The following TCF7L2 variants were observed in gnomAD, a reference collection of about 807,000 sequenced individuals.
TCF7L2 encodes transcription factor 7 like 2.
TCF7L2 carries 23 observed loss-of-function variants against 77.9 expected under a neutral mutation model. The observed-to-expected ratio is 0.30, with a 90% CI of 0.21 to 0.42. TCF7L2 has a LOEUF of 0.42. Among genes scored for constraint, TCF7L2 ranks in the 10% least tolerant of loss-of-function variants. The probability of loss-of-function intolerance (pLI) is 1.00; values close to 1 mark genes in which losing one functional copy is unlikely to be tolerated. For missense variants in TCF7L2, 654 were observed against 793.1 expected, an observed-to-expected ratio of 0.82 and a Z score of 2.11; for synonymous variants, 413 against 340.2, an observed-to-expected ratio of 1.21 and a Z score of -2.36.
chr10:113,049,741 G>A (rs148530601), intron 5 of TCF7L2, among the ~76,000 whole-genome samples: 7 of 152,250 alleles, frequency 4.6e-5, no homozygotes, highest in Non-Finnish European at 1.0e-4. Flanking sequence ...CCAAAGCAGC[G>A]ATGAACAGAT....
At chr10:113,135,019 T>C (rs1381060389) in intron 5 of TCF7L2, among the ~76,000 whole-genome samples, 2 of 152,220 alleles carry the variant, frequency 1.3e-5, no homozygotes, top group African/African-American at 4.8e-5. Context: ...CAGTGTCTGT[T>C]GATTAATAGG....
intron 4 of TCF7L2, among the ~76,000 whole-genome samples, chr10:113,021,160 C>T (rs1590579446): frequency 1.3e-5 from 2 of 152,176 alleles, no homozygotes; most frequent in Admixed American, 6.5e-5. Flanking sequence ...TTCCTGCCCT[C>T]GTAACCTTCG....
At chr10:112,967,545 T>C (rs543177393) in intron 4 of TCF7L2, among the ~76,000 whole-genome samples, 72 of 152,078 alleles carry the variant, frequency 4.7e-4, no homozygotes, top group African/African-American at 1.7e-3. Flanking sequence ...GCCTCCTAGC[T>C]CCCCTTGGTT....
intron 4 of TCF7L2, among the ~76,000 whole-genome samples, chr10:113,030,328 G>A (rs1179472343): frequency 2.0e-5 from 3 of 152,180 alleles, no homozygotes; most frequent in African/African-American, 7.2e-5. Context: ...GAGACTTGGT[G>A]CATTCTTATC....
At chr10:113,145,636 T>A (rs1299213394) in intron 7 of TCF7L2, among the ~76,000 whole-genome samples, 1 of 152,192 alleles carries the variant, frequency 6.6e-6, no homozygotes, top group Non-Finnish European at 1.5e-5. Flanking sequence ...GTACTTTATT[T>A]TGGTATAAAT....
In TCF7L2 at chr10:112,962,747, C is replaced by T. The variant is rs551925079; in HGVS notation, c.382-1809C>T. On this transcript the variant is annotated intron_variant, in intron 3 of 13. Coordinates refer to ENST00000627217, the MANE Select transcript of TCF7L2 (RefSeq NM_001146274.2). ...CTGAGTAGCTGGGACTATAGGCGCCCGCCACCACGCCTGGCTAATTTTTGT... is the reference window on the plus strand; with the variant it reads ...CTGAGTAGCTGGGACTATAGGCGCCTGCCACCACGCCTGGCTAATTTTTGT... Among the ~76,000 whole-genome samples, 20 of 152,186 alleles carry T rather than the reference C, an allele frequency of 1.3e-4. No homozygotes were observed. In the South Asian group the frequency reaches 3.3e-3, roughly 25 times the overall value.
chr10:112,950,678 C>A lies in TCF7L2; in HGVS notation c.-79C>A, dbSNP rs767413089. The A allele has an allele frequency of 2.5e-5, 36 of 1,449,356 alleles. No individual in the cohort carries two copies. Among genetic ancestry groups the A allele is most frequent in the Admixed American group, 1.0e-4 (4 of 38,338 alleles). 89.8% of individuals were successfully genotyped at this position (1,449,356 alleles called of 1,614,324 possible). A position where few individuals can be genotyped will look rare whatever the true frequency, so the allele number is the denominator to read the frequency against. ...TGCAATATTTTTTGGGGGGGCAAAACTTTTTGGGGGTGATTTTTTTTGGCT... is the reference window on the plus strand; with the variant it reads ...TGCAATATTTTTTGGGGGGGCAAAAATTTTTGGGGGTGATTTTTTTTGGCT... On this transcript the variant is annotated 5_prime_UTR_variant, in exon 1 of 14. Transcript: ENST00000627217.
At chr10:112,956,432 G>A (rs1260572100) in intron 3 of TCF7L2, among the ~76,000 whole-genome samples, 1 of 147,918 alleles carries the variant, frequency 6.8e-6, no homozygotes, top group Admixed American at 6.8e-5. Context: ...TTTTAGTCTT[G>A]GTGAGTGGCA....
chr10:113,060,657 C>T (rs115638324), intron 5 of TCF7L2, among the ~76,000 whole-genome samples: 2,065 of 152,130 alleles, frequency 0.014, 52 homozygotes, highest in African/African-American at 0.047. Context: ...TAGAGCACAA[C>T]TCCCCAGCCA....
intron 5 of TCF7L2, among the ~76,000 whole-genome samples, chr10:113,127,961 TA>T (rs2136441457): frequency 6.6e-6 from 1 of 151,766 alleles, no homozygotes; most frequent in South Asian, 2.1e-4. Context: ...TGCCGCACTT[TA>T]TAAGTTATTG....
chr10:113,000,951 T>C (rs1452294547), intron 4 of TCF7L2, among the ~76,000 whole-genome samples: 1 of 152,236 alleles, frequency 6.6e-6, no homozygotes, highest in Non-Finnish European at 1.5e-5. Context: ...TCTCTAAGGA[T>C]TCTGCTTCAT....
chr10:113,072,684 A>G (rs770773354), intron 5 of TCF7L2, among the ~76,000 whole-genome samples: 6 of 152,202 alleles, frequency 3.9e-5, no homozygotes, highest in Non-Finnish European at 7.4e-5. Flanking sequence ...ACTTAAATAA[A>G]AAGAGCCAAC....
At chr10:113,139,704 C>T (rs2067994146) in intron 5 of TCF7L2, among the ~76,000 whole-genome samples, 1 of 151,438 alleles carries the variant, frequency 6.6e-6, no homozygotes, top group South Asian at 2.1e-4. Context: ...TTTTTCTTTC[C>T]ACACATAACC....
At chr10:113,015,085 C>G (rs1280881776) in intron 4 of TCF7L2, among the ~76,000 whole-genome samples, 1 of 152,048 alleles carries the variant, frequency 6.6e-6, no homozygotes, top group Non-Finnish European at 1.5e-5. Context: ...ACTTGGGAGG[C>G]TGAGGCAGGA....
chr10:113,010,009 A>G (rs2046198492), intron 4 of TCF7L2, among the ~76,000 whole-genome samples: 3 of 151,552 alleles, frequency 2.0e-5, no homozygotes, highest in African/African-American at 4.9e-5. Flanking sequence ...ACGGGCTCCT[A>G]TGGGTGCTGT....
At chr10:113,132,643 C>T (rs935801671) in intron 5 of TCF7L2, among the ~76,000 whole-genome samples, 14 of 152,256 alleles carry the variant, frequency 9.2e-5, no homozygotes, top group Admixed American at 4.6e-4. Context: ...ATTTCTGGCT[C>T]GATTTTGAAG....
chr10:113,041,642 T>A (rs1158315870), intron 5 of TCF7L2, among the ~76,000 whole-genome samples: 1 of 152,202 alleles, frequency 6.6e-6, no homozygotes, highest in African/African-American at 2.4e-5. Flanking sequence ...AAGAAGTTGC[T>A]GGTTGGGGGT....
chr10:113,074,733 T>C lies in TCF7L2; in HGVS notation c.552+34607T>C, dbSNP rs11815689. On this transcript the variant is annotated intron_variant, in intron 5 of 13. Transcript: ENST00000627217. Reference sequence around the variant, plus strand: ...CTTTAAAGCTGGGGCCTCCACGCCATAGGCAGATTTTCATACCAGTTGCCT... The same window carrying C: ...CTTTAAAGCTGGGGCCTCCACGCCACAGGCAGATTTTCATACCAGTTGCCT... Among the ~76,000 whole-genome samples the C allele has an allele frequency of 4.2e-3, 645 of 152,330 alleles. 6 individuals carry two copies. Among genetic ancestry groups the C allele is most frequent in the African/African-American group, 0.015 (631 of 41,586 alleles).
intron 5 of TCF7L2, among the ~76,000 whole-genome samples, chr10:113,097,144 C>G (rs1425924744): frequency 6.6e-6 from 1 of 152,192 alleles, no homozygotes; most frequent in Non-Finnish European, 1.5e-5. Flanking sequence ...TAGTGCTCAT[C>G]CCAGCTCCTG....
Sources: allele counts gnomAD v4.1 joint callset (sites outside exome capture counted in the v4.1 genomes callset), GRCh38; gene constraint gnomAD v4.1.1; transcripts MANE v1.5; gene names NCBI Gene and HGNC (gene_info 2026-07-23, HGNC 2026-07-21).